The following HKDC1 variants were observed in gnomAD, a reference collection of about 807,000 sequenced individuals.
HKDC1 encodes hexokinase domain containing 1.
Under a neutral mutation model 96.6 loss-of-function variants are expected in HKDC1, and 66 were observed. The ratio of observed to expected loss-of-function variants is 0.68; its 90% CI spans 0.56 to 0.84. HKDC1 has a LOEUF of 0.84. HKDC1 is among the 40% of genes least tolerant of loss of function. HKDC1 has a pLI of 0.00. For missense variants in HKDC1, 1,211 were observed against 1,208.1 expected, an observed-to-expected ratio of 1.00 and a Z score of -0.04; for synonymous variants, 466 against 473.1, an observed-to-expected ratio of 0.98 and a Z score of 0.20.
intron 14 of HKDC1, among the ~76,000 whole-genome samples, chr10:69,258,388 T>C (rs1843752837): frequency 6.6e-6 from 1 of 152,180 alleles, no homozygotes; most frequent in African/African-American, 2.4e-5. Context: ...GACTAGATGA[T>C]TCCTCATGGT....
chr10:69,228,062 A>G (rs1281089567), intron 2 of HKDC1, among the ~76,000 whole-genome samples: 1 of 152,136 alleles, frequency 6.6e-6, no homozygotes, highest in Non-Finnish European at 1.5e-5. Flanking sequence ...ATATTCTCTG[A>G]CAGTTCTGGT....
In HKDC1 at chr10:69,243,753, T is replaced by C. The variant is rs183918530; in HGVS notation, c.875+388T>C. On this transcript the variant is annotated intron_variant, in intron 7 of 17. Coordinates refer to ENST00000354624, the MANE Select transcript of HKDC1 (RefSeq NM_025130.4). ...CTCAGGCAATCCTCCCGCCTCAGCC[T>C]CCCAAAGTGCTGGGATTACAGGCAT... 9.6e-3 allele frequency among the ~76,000 whole-genome samples: 1,461 copies of C among 152,282 alleles called. 17 individuals are homozygous for C. The highest frequency in any genetic ancestry group is 0.034 in the African/African-American group (1,406 of 41,554).
intron 14 of HKDC1, among the ~76,000 whole-genome samples, chr10:69,257,933 G>C (rs571900175): frequency 6.6e-6 from 1 of 152,284 alleles, no homozygotes; most frequent in East Asian, 1.9e-4. Context: ...ATTCTAGGGG[G>C]ATGTTCTCTC....
chr10:69,266,691 T>C lies in HKDC1; in HGVS notation c.2688T>C (p.Ser896=). ...CATTCATGCTGTCAGAAGATGGCAG[T>C]GGAAAAGGGGCAGCACTGATCACTG... ...DVTFMLSEDG[S]GKGAALITAV... Residue 896 remains serine, a synonymous_variant, in exon 18 of 18, where the codon AGT becomes AGC. Coordinates refer to ENST00000354624, the MANE Select transcript of HKDC1 (RefSeq NM_025130.4). The C allele has an allele frequency of 6.2e-7, 1 of 1,614,132 alleles. No homozygotes were observed. The highest frequency in any genetic ancestry group is 8.5e-7 in the Non-Finnish European group (1 of 1,180,014).
intron 4 of HKDC1, among the ~76,000 whole-genome samples, chr10:69,237,096 G>A (rs929482200): frequency 6.6e-6 from 1 of 152,152 alleles, no homozygotes; most frequent in Admixed American, 6.5e-5. Flanking sequence ...GGCTGTGTGA[G>A]GAGGTGTGAT....
chr10:69,233,248 T>C, intron 4 of HKDC1, 115 bp downstream of exon 4: 1 of 1,427,622 alleles, frequency 7.0e-7, no homozygotes. Flanking sequence ...TTTGTCTTTT[T>C]CTTTTCTTTT....
chr10:69,221,360 T>C (rs142658375), intron 1 of HKDC1, among the ~76,000 whole-genome samples: 494 of 152,222 alleles, frequency 3.2e-3, no homozygotes, highest in Middle Eastern at 0.02. Context: ...CAAAGTGGGC[T>C]GGTTAAAGGT....
chr10:69,242,116 T>C lies in HKDC1; in HGVS notation c.692-1066T>C, dbSNP rs374632103. Among the ~76,000 whole-genome samples, 36 of 152,362 alleles carry C rather than the reference T, an allele frequency of 2.4e-4. No individual in the cohort carries two copies. The South Asian group carries it at 6.8e-3, about 29-fold the overall frequency. ...GGGGAAAGTTCTTCTGAATTGCTTT[T>C]TCTTAATGTCCCTCAAGACCCTCCT... On this transcript the variant is annotated intron_variant, in intron 6 of 17. Coordinates refer to ENST00000354624, the MANE Select transcript of HKDC1 (RefSeq NM_025130.4).
intron 16 of HKDC1, 130 bp downstream of exon 16, chr10:69,261,424 GCTGCTCTT>G (rs1564737746): frequency 3.8e-6 from 3 of 779,482 alleles, no homozygotes; most frequent in Non-Finnish European, 6.1e-6. Context: ...GCCTCCTGGG[GCTGCTCTT>G]CTCTTTCCAA....
intron 2 of HKDC1, among the ~76,000 whole-genome samples, chr10:69,227,618 T>A (rs560242328): frequency 6.6e-6 from 1 of 152,210 alleles, no homozygotes; most frequent in South Asian, 2.1e-4. Context: ...TCCTGGAGCA[T>A]CTCCATGTTC....
chr10:69,255,361 C>T (rs541828683), intron 12 of HKDC1, among the ~76,000 whole-genome samples: 1 of 152,336 alleles, frequency 6.6e-6, no homozygotes, highest in South Asian at 2.1e-4. Flanking sequence ...GGTCCAGTTT[C>T]CCAAGAACTA....
chr10:69,233,612 T>A (rs1843310112), intron 4 of HKDC1, among the ~76,000 whole-genome samples: 2 of 152,062 alleles, frequency 1.3e-5, no homozygotes, highest in African/African-American at 4.8e-5. Flanking sequence ...ATGGGGGCAC[T>A]GGAGGACCAG....
At chr10:69,237,647 T>G in intron 4 of HKDC1, among the ~76,000 whole-genome samples, 1 of 152,196 alleles carries the variant, frequency 6.6e-6, no homozygotes, top group South Asian at 2.1e-4. Flanking sequence ...CCACCTTCCC[T>G]GCAACAGGGA....
rs764512946 is a variant in HKDC1 at position 69,250,365 on chromosome 10, G to A, written c.1646G>A (p.Arg549Gln). 2.1e-5 allele frequency: 34 copies of A among 1,614,018 alleles called. No homozygotes were observed. Among genetic ancestry groups the A allele is most frequent in the Admixed American group, 8.3e-5 (5 of 60,004 alleles). ...RVLLVKIRSG[R>Q]RSVRMYNKIF... The stretch of plus-strand genomic sequence containing the variant: ...CTCCTGGTGAAGATCAGAAGTGGAC[G>A]GAGGTCAGTGCGAATGTACAACAAG... Residue 549 changes from arginine to glutamine, a missense_variant, in exon 11 of 18, where the codon CGG (arginine) becomes CAG (glutamine). Arg to Gln is a conservative substitution (Grantham distance 43). Coordinates refer to ENST00000354624, the MANE Select transcript of HKDC1 (RefSeq NM_025130.4).
intron 16 of HKDC1, among the ~76,000 whole-genome samples, chr10:69,264,020 C>A (rs1449319795): frequency 6.6e-6 from 1 of 152,058 alleles, no homozygotes; most frequent in Non-Finnish European, 1.5e-5. Context: ...ATTAGCTGGG[C>A]ATGGTGGTGG....
intron 16 of HKDC1, among the ~76,000 whole-genome samples, chr10:69,262,712 A>C (rs1008473619): frequency 6.6e-6 from 1 of 152,196 alleles, no homozygotes; most frequent in South Asian, 2.1e-4. Context: ...GGATGGTGGA[A>C]TCAGTAACAG....
At chr10:69,231,122 G>C (rs1367718879) in intron 2 of HKDC1, among the ~76,000 whole-genome samples, 1 of 152,160 alleles carries the variant, frequency 6.6e-6, no homozygotes, top group Non-Finnish European at 1.5e-5. Context: ...ATGCGGGCCG[G>C]GAGTGGGATG....
chr10:69,232,659 G>A, intron 2 of HKDC1, 105 bp from the exon 3 acceptor site: 2 of 1,042,624 alleles, frequency 1.9e-6, no homozygotes, highest in Non-Finnish European at 2.9e-6. Context: ...GATACCTAGT[G>A]GCTGTGATTT....
chr10:69,250,603 C>CT lies in HKDC1; in HGVS notation c.1790dup (p.Leu597PhefsTer15), dbSNP rs1843626537. 1 of 1,614,070 alleles carries CT rather than the reference C, an allele frequency of 6.2e-7. No homozygotes were observed. On this transcript the variant is annotated frameshift_variant, in exon 12 of 18. Transcript: ENST00000354624. LOFTEE classifies it high-confidence loss of function. ...ATGGGCCTCAAGGGAGCCTCCCTAC[C>CT]TTTGGGCTTCACATTCTCATTTCCC...
Sources: allele counts gnomAD v4.1 joint callset (sites outside exome capture counted in the v4.1 genomes callset), GRCh38; gene constraint gnomAD v4.1.1; transcripts MANE v1.5; gene names NCBI Gene and HGNC (gene_info 2026-07-23, HGNC 2026-07-21).